Variants in PPARG observed in about 807,000 individuals in gnomAD.
PPARG encodes peroxisome proliferator activated receptor gamma.
A neutral mutation model predicts 39.2 loss-of-function variants in PPARG; 17 were observed. The ratio of observed to expected loss-of-function variants is 0.43; its 90% CI spans 0.30 to 0.65. PPARG has a LOEUF of 0.65. Ranked by LOEUF, PPARG falls within the 30% of genes least tolerant of loss-of-function variation. PPARG has a pLI of 0.13. For missense variants in PPARG, 406 were observed against 585.9 expected (o/e 0.69, Z 3.17); for synonymous variants, 223 against 215.7 (o/e 1.03, Z -0.30).
At chr3:12,364,911 A>G (rs2048966109) in intron 2 of PPARG, among the ~76,000 whole-genome samples, 1 of 152,118 alleles carries the variant, frequency 6.6e-6, no homozygotes, top group Admixed American at 6.5e-5. Context: ...TTGAGTTTTA[A>G]GCGTTCTTTG....
intron 2 of PPARG, among the ~76,000 whole-genome samples, chr3:12,374,309 T>C (rs1024440103): frequency 1.3e-5 from 2 of 152,082 alleles, no homozygotes; most frequent in Non-Finnish European, 2.9e-5. Context: ...TCAAAACCCA[T>C]AGAACTTGGC....
rs148250986 is a variant in PPARG at position 12,406,180 on chromosome 3, C to T, written c.729+99C>T. 4.5e-4 allele frequency: 538 copies of T among 1,188,808 alleles called. 1 individual carries two copies. In the African/African-American group the frequency reaches 7.2e-3, roughly 16 times the overall value. The allele number at this position is 1,188,808 out of a possible 1,614,324, so 73.6% of individuals were successfully genotyped here. ...GTTTACTGCGCTACAAATGCACACACAGAATATTGTTCAACTGTTGGCTGT... is the reference window on the plus strand; with the variant it reads ...GTTTACTGCGCTACAAATGCACACATAGAATATTGTTCAACTGTTGGCTGT... On this transcript the variant is annotated intron_variant, in intron 6 of 7. Coordinates refer to ENST00000651735, the MANE Select transcript of PPARG (RefSeq NM_138711.6).
At chr3:12,420,544 A>G (rs1293102166) in intron 7 of PPARG, among the ~76,000 whole-genome samples, 1 of 152,248 alleles carries the variant, frequency 6.6e-6, no homozygotes, top group Non-Finnish European at 1.5e-5. Flanking sequence ...GTGGATTCAC[A>G]GAAGAACTTC....
rs1276083349 is a variant in PPARG, at chr3:12,310,654, G to A, written c.-82-1726G>A. On this transcript the variant is annotated intron_variant, in intron 1 of 7. Coordinates refer to ENST00000651735, the MANE Select transcript of PPARG (RefSeq NM_138711.6). ...AATTTTTTGTATTTTTAGTAGAGAC[G>A]GGGTTTCACCATTTTAGCCGGGATG... Among the ~76,000 whole-genome samples, 16 of 129,186 alleles carry A rather than the reference G, an allele frequency of 1.2e-4. 3 individuals are homozygous for A. Among genetic ancestry groups the A allele is most frequent in the African/African-American group, 3.7e-4 (13 of 35,298 alleles). The allele number at this position is 129,186 out of a possible 152,430, so 84.8% of individuals were successfully genotyped here.
At chr3:12,383,949 T>C (rs1047340192) in intron 4 of PPARG, among the ~76,000 whole-genome samples, 1 of 152,050 alleles carries the variant, frequency 6.6e-6, no homozygotes, top group African/African-American at 2.4e-5. Context: ...CTGAAGACTC[T>C]AGGGGAGTCC....
intron 2 of PPARG, among the ~76,000 whole-genome samples, chr3:12,337,598 A>T (rs1281031377): frequency 6.6e-6 from 1 of 152,122 alleles, no homozygotes; most frequent in Non-Finnish European, 1.5e-5. Context: ...GGGACTTAAG[A>T]GCAGAGCTGT....
At chr3:12,372,522 G>A (rs979920600) in intron 2 of PPARG, among the ~76,000 whole-genome samples, 13 of 152,174 alleles carry the variant, frequency 8.5e-5, no homozygotes, top group Non-Finnish European at 1.5e-4. Context: ...AATATTTGGC[G>A]TAGTACTTTG....
intron 1 of PPARG, among the ~76,000 whole-genome samples, chr3:12,307,209 A>G (rs902230521): frequency 6.7e-6 from 1 of 150,060 alleles, no homozygotes; most frequent in African/African-American, 2.5e-5. Flanking sequence ...CTCAGGATAC[A>G]GAGGTCAATT....
intron 5 of PPARG, among the ~76,000 whole-genome samples, chr3:12,397,868 CA>C (rs2050324452): frequency 6.6e-6 from 1 of 152,126 alleles, no homozygotes; most frequent in African/African-American, 2.4e-5. Context: ...CAGAACCGCC[CA>C]TGTTGGAGCC....
At chr3:12,426,439 A>G (rs2051450183) in intron 7 of PPARG, among the ~76,000 whole-genome samples, 1 of 151,920 alleles carries the variant, frequency 6.6e-6, no homozygotes, top group South Asian at 2.1e-4. Context: ...CATGGCTCAG[A>G]CCTCTGATTA....
At chr3:12,407,850 T>C (rs2050727950) in intron 6 of PPARG, among the ~76,000 whole-genome samples, 1 of 152,204 alleles carries the variant, frequency 6.6e-6, no homozygotes, top group South Asian at 2.1e-4. Flanking sequence ...AGGTCTTTGA[T>C]ACCTCAACAA....
intron 2 of PPARG, among the ~76,000 whole-genome samples, chr3:12,315,464 T>C (rs1203678145): frequency 6.6e-6 from 1 of 152,212 alleles, no homozygotes; most frequent in Non-Finnish European, 1.5e-5. Flanking sequence ...AGGAACTCCC[T>C]CCACTATCTT....
intron 6 of PPARG, among the ~76,000 whole-genome samples, chr3:12,412,970 T>G (rs1194555355): frequency 1.3e-5 from 2 of 152,182 alleles, no homozygotes; most frequent in Non-Finnish European, 2.9e-5. Flanking sequence ...TTGAGAATGA[T>G]ACGGCTCCTA....
chr3:12,370,428 T>G (rs1045748615), intron 2 of PPARG, among the ~76,000 whole-genome samples: 1 of 152,204 alleles, frequency 6.6e-6, no homozygotes, highest in South Asian at 2.1e-4. Context: ...AAATCCTTGA[T>G]CTTAGTCATT....
At chr3:12,412,094 A>G (rs901360921) in intron 6 of PPARG, among the ~76,000 whole-genome samples, 4 of 152,156 alleles carry the variant, frequency 2.6e-5, no homozygotes, top group Non-Finnish European at 4.4e-5. Flanking sequence ...TAGAAAAGTC[A>G]CCCAGAATAC....
chr3:12,396,303 G>A lies in PPARG; in HGVS notation c.529+3551G>A, dbSNP rs4135269. On this transcript the variant is annotated intron_variant, in intron 5 of 7. Coordinates refer to ENST00000651735, the MANE Select transcript of PPARG (RefSeq NM_138711.6). ...TACCCAGCTGATTTTTGTATTTTTAGTAAAGATGGGGCTTCACCATGTTGG... is the reference window on the plus strand; with the variant it reads ...TACCCAGCTGATTTTTGTATTTTTAATAAAGATGGGGCTTCACCATGTTGG... Among the ~76,000 whole-genome samples the A allele has an allele frequency of 3.3e-3, 498 of 152,066 alleles. 8 individuals are homozygous for A. The highest frequency in any genetic ancestry group is 1.8e-3 in the Non-Finnish European group (122 of 67,980).
chr3:12,316,449 C>A (rs1028715607), intron 2 of PPARG, among the ~76,000 whole-genome samples: 1 of 151,938 alleles, frequency 6.6e-6, no homozygotes, highest in Non-Finnish European at 1.5e-5. Flanking sequence ...TGGAAAGGAA[C>A]GGGGAGTTAG....
chr3:12,336,658 A>T (rs2048022132), intron 2 of PPARG, among the ~76,000 whole-genome samples: 1 of 152,154 alleles, frequency 6.6e-6, no homozygotes, highest in Admixed American at 6.6e-5. Context: ...ATTATTTTTT[A>T]ATAATAGTTA....
At chr3:12,368,402 G>A (rs773667397) in intron 2 of PPARG, among the ~76,000 whole-genome samples, 1 of 151,544 alleles carries the variant, frequency 6.6e-6, no homozygotes, top group Non-Finnish European at 1.5e-5. Context: ...GGCTGGTCTC[G>A]AACTCCTGAC....
Sources: allele counts gnomAD v4.1 joint callset (sites outside exome capture counted in the v4.1 genomes callset), GRCh38; gene constraint gnomAD v4.1.1; transcripts MANE v1.5; gene names NCBI Gene and HGNC (gene_info 2026-07-23, HGNC 2026-07-21).